QRICH1: variants seen among roughly 807,000 people sequenced by gnomAD.
QRICH1 encodes glutamine rich 1, also known as transcriptional regulator QRICH1.
QRICH1 carries 16 observed loss-of-function variants against 87.1 expected under a neutral mutation model. That is an observed-to-expected ratio of 0.18 (90% CI 0.12 to 0.28). The LOEUF is 0.28. QRICH1 is among the 10% of genes least tolerant of loss of function. QRICH1 has a pLI of 1.00. For missense variants in QRICH1, 647 were observed against 951.7 expected, an observed-to-expected ratio of 0.68 and a Z score of 4.21; for synonymous variants, 367 against 368.4, an observed-to-expected ratio of 1.00 and a Z score of 0.05.
Position 49,029,772 on chromosome 3 carries a change from G to A in QRICH1, c.*680C>T, listed in dbSNP as rs2093222165. The A allele has an allele frequency of 3.4e-6, 1 of 290,864 alleles. No homozygotes were observed. 18.0% of individuals were successfully genotyped at this position (290,864 alleles called of 1,614,324 possible). A position where few individuals can be genotyped will look rare whatever the true frequency, so the allele number is the denominator to read the frequency against. On this transcript the variant is annotated 3_prime_UTR_variant, in exon 10 of 10. Coordinates refer to ENST00000395443, the MANE Select transcript of QRICH1 (RefSeq NM_198880.3). ...AGTAAGAATACATAAGAGAAACAGA[G>A]TGGTATCTTTATATGATACACAAGT...
At chr3:49,064,401 C>A (rs1259552634) in intron 2 of QRICH1, among the ~76,000 whole-genome samples, 2 of 151,992 alleles carry the variant, frequency 1.3e-5, no homozygotes, top group Admixed American at 6.6e-5. Flanking sequence ...ACCACCATGC[C>A]TGGCTGTTTT....
chr3:49,034,079 T>TTTATTATTATTA (rs10691654), intron 6 of QRICH1, among the ~76,000 whole-genome samples: 2,086 of 147,194 alleles, frequency 0.014, 23 homozygotes, highest in Non-Finnish European at 0.019. Flanking sequence ...TTTGGGGGAT[T>TTTATTATTATTA]TTATTATTAT....
At chr3:49,047,308 T>C (rs892875494) in intron 3 of QRICH1, 62 bp from the exon 4 acceptor site, 10 of 1,479,400 alleles carry the variant, frequency 6.8e-6, no homozygotes, top group East Asian at 2.3e-5. Flanking sequence ...TTCTGCAAAA[T>C]TGCCAGAAAA....
At chr3:49,090,840 G>T (rs964566824) in intron 1 of QRICH1, among the ~76,000 whole-genome samples, 1 of 151,956 alleles carries the variant, frequency 6.6e-6, no homozygotes, top group African/African-American at 2.4e-5. Flanking sequence ...GTAATAACTA[G>T]GAAAAAATAC....
chr3:49,063,901 A>C (rs1187671666), intron 2 of QRICH1, among the ~76,000 whole-genome samples: 1 of 152,230 alleles, frequency 6.6e-6, no homozygotes, highest in East Asian at 1.9e-4. Context: ...CTAGGAATTT[A>C]ATTTTTTAAT....
At chr3:49,058,913 C>A (rs980199551) in intron 2 of QRICH1, among the ~76,000 whole-genome samples, 5 of 152,026 alleles carry the variant, frequency 3.3e-5, no homozygotes, top group African/African-American at 7.2e-5. Flanking sequence ...CAGGCGTGAG[C>A]CACCACGGCC....
chr3:49,032,180 C>T lies in QRICH1; in HGVS notation c.2138+3G>A, dbSNP rs1254408388. The stretch of plus-strand genomic sequence containing the variant: ...TGGACAGCAAGTCACAATAAAGCCT[C>T]ACCATTTGAAGAGGTAGAAATCATA... On this transcript the variant is annotated splice_donor_region_variant and intron_variant, in intron 9 of 9. Transcript: ENST00000395443. 2 of 1,607,136 alleles carry T rather than the reference C, an allele frequency of 1.2e-6. No homozygotes were observed. The highest frequency in any genetic ancestry group is 1.7e-6 in the Non-Finnish European group (2 of 1,173,774).
At chr3:49,048,013 A>G (rs2093348607) in intron 3 of QRICH1, among the ~76,000 whole-genome samples, 1 of 152,226 alleles carries the variant, frequency 6.6e-6, no homozygotes, top group South Asian at 2.1e-4. Flanking sequence ...ACTGAGAACT[A>G]CTGGCTCAAA....
At chr3:49,062,162 C>T (rs929823797) in intron 2 of QRICH1, among the ~76,000 whole-genome samples, 1 of 151,860 alleles carries the variant, frequency 6.6e-6, no homozygotes, top group Non-Finnish European at 1.5e-5. Context: ...TGGTGAAACC[C>T]TGTCTCTACT....
In QRICH1 at chr3:49,047,121, G is replaced by C; in HGVS notation, c.1464C>G (p.Thr488=). The part of the protein sequence containing the change: ...GLEVWKNWAQ[T]KNAELEKDAQ... ...CATCCTTCTCTAGTTCAGCATTCTT[G>C]GTCTGGGCCCAGTTTTTCCATACTT... The change falls in exon 4 of 10, where the codon ACC becomes ACG. Residue 488 remains threonine (T), a synonymous_variant. Coordinates refer to ENST00000395443, the MANE Select transcript of QRICH1 (RefSeq NM_198880.3). The C allele has an allele frequency of 6.2e-7, 1 of 1,614,076 alleles. No homozygotes were observed. The highest frequency in any genetic ancestry group is 8.5e-7 in the Non-Finnish European group (1 of 1,180,028).
chr3:49,076,043 A>T (rs1575372504), intron 2 of QRICH1, among the ~76,000 whole-genome samples: 2 of 152,140 alleles, frequency 1.3e-5, no homozygotes, highest in Non-Finnish European at 2.9e-5. Flanking sequence ...GGAGTTCAAG[A>T]CCAGCCTGGC....
chr3:49,079,182 C>T (rs906527011), intron 1 of QRICH1, among the ~76,000 whole-genome samples: 3 of 151,778 alleles, frequency 2.0e-5, no homozygotes, highest in South Asian at 4.2e-4. Context: ...TGCAGTGACC[C>T]GAGATCACTC....
chr3:49,033,978 C>T (rs537676072), intron 6 of QRICH1: 2 of 148,802 alleles, frequency 1.3e-5, no homozygotes, highest in South Asian at 2.1e-4. Context: ...CAGAGCGAGA[C>T]TCCCATCTCA....
At position 49,057,778 on chromosome 3, in the gene QRICH1, C is replaced by A; in HGVS notation, c.422G>T (p.Gly141Val). The change falls in exon 3 of 10, where the codon GGC becomes GTC. Residue 141 changes from glycine to valine, a missense_variant. Gly to Val is a moderately radical substitution (Grantham distance 109). Around this residue, in one of 7 missense-constraint regions of QRICH1, gnomAD observed 156 missense variants for 164.5 expected, o/e 0.95. Transcript: ENST00000395443. This position sits in a 1 kb window ranked among gnomAD's most constrained non-coding sequence, Gnocchi z 5.4. ...GGGGGCTGCTGACTGTGGTGCCTGGCCTTGGATCTGCACCTGGACCTGGAT... is the reference window on the plus strand; with the variant it reads ...GGGGGCTGCTGACTGTGGTGCCTGGACTTGGATCTGCACCTGGACCTGGAT... Reference protein sequence around the residue: ...QPIQVQVQIQGQAPQSAAPSI... With the variant: ...QPIQVQVQIQVQAPQSAAPSI... The A allele has an allele frequency of 6.2e-7, 1 of 1,614,128 alleles. No homozygotes were observed. Among genetic ancestry groups the A allele is most frequent in the Non-Finnish European group, 8.5e-7 (1 of 1,180,032 alleles).
chr3:49,042,880 G>A (rs1384866646), intron 6 of QRICH1, among the ~76,000 whole-genome samples: 2 of 152,018 alleles, frequency 1.3e-5, no homozygotes, highest in African/African-American at 4.8e-5. Flanking sequence ...GCCCAGAAGA[G>A]GTATTTTTTA....
Position 49,094,056 on chromosome 3 carries a change from A to C in QRICH1, c.-166T>G. 1 of 398,702 alleles carries C rather than the reference A, an allele frequency of 2.5e-6. No homozygotes were observed. Among genetic ancestry groups the C allele is most frequent in the Non-Finnish European group, 4.4e-6 (1 of 226,156 alleles). 24.7% of individuals were successfully genotyped at this position (398,702 alleles called of 1,614,324 possible). A position where few individuals can be genotyped will look rare whatever the true frequency, so the allele number is the denominator to read the frequency against. On this transcript the variant is annotated 5_prime_UTR_variant, in exon 1 of 10. Transcript: ENST00000395443. ...GCTCCCTGGGCGCCATCTTACATTC[A>C]ACCCTCACAGCCAATAGGAGCCGAT...
intron 6 of QRICH1, among the ~76,000 whole-genome samples, chr3:49,044,095 A>T (rs1270052164): frequency 6.6e-6 from 1 of 152,206 alleles, no homozygotes; most frequent in Non-Finnish European, 1.5e-5. Context: ...ACTGTCCATA[A>T]TCCTTAATTG....
intron 3 of QRICH1, among the ~76,000 whole-genome samples, chr3:49,052,431 G>C (rs1263508144): frequency 6.6e-6 from 1 of 152,196 alleles, no homozygotes; most frequent in African/African-American, 2.4e-5. Flanking sequence ...AGAGACTTAT[G>C]TGTCAGTGCA....
intron 2 of QRICH1, among the ~76,000 whole-genome samples, chr3:49,076,310 C>T (rs970515376): frequency 1.3e-5 from 2 of 152,338 alleles, no homozygotes; most frequent in South Asian, 2.1e-4. Context: ...GGCGGGGTCA[C>T]GTGCCGGGAC....
Sources: allele counts gnomAD v4.1 joint callset (sites outside exome capture counted in the v4.1 genomes callset), GRCh38; gene constraint gnomAD v4.1.1; regional missense constraint gnomAD v4.1.1; non-coding constraint Gnocchi (gnomAD v3.1); transcripts MANE v1.5; gene names NCBI Gene and HGNC (gene_info 2026-07-23, HGNC 2026-07-21).